The following MYH14 variants were observed in gnomAD, a reference collection of about 807,000 sequenced individuals.
The protein encoded by MYH14 is myosin-14.
Under a neutral mutation model 255.5 loss-of-function variants are expected in MYH14, and 123 were observed. The observed-to-expected ratio is 0.48, with a 90% CI of 0.42 to 0.56. The LOEUF (loss-of-function observed/expected upper bound fraction) is 0.56, where lower values mean the gene tolerates loss of function less well. MYH14 is among the 20% of genes least tolerant of loss of function. The pLI, the probability that MYH14 is intolerant of heterozygous loss-of-function variation, is 0.00. For missense variants in MYH14, 2,423 were observed against 2,802.3 expected (o/e 0.86, Z 3.06); for synonymous variants, 1,095 against 1,161.2 (o/e 0.94, Z 1.16).
intron 39 of MYH14, 48 bp from the exon 40 acceptor site, chr19:50,301,613 T>A (rs1404299240): frequency 6.7e-7 from 1 of 1,497,098 alleles, no homozygotes; most frequent in South Asian, 1.1e-5. Context: ...CCTACCACCT[T>A]CCCTCTGAGA....
chr19:50,224,537 G>T (rs894062745), intron 6 of MYH14, among the ~76,000 whole-genome samples: 1 of 152,168 alleles, frequency 6.6e-6, no homozygotes, highest in African/African-American at 2.4e-5. Context: ...TTCACTTTGT[G>T]TATCTTTTCA....
intron 5 of MYH14, 166 bp downstream of exon 5, chr19:50,223,515 C>A: frequency 1.5e-6 from 1 of 648,862 alleles, no homozygotes; most frequent in Non-Finnish European, 2.8e-6. Flanking sequence ...GAAGCAGAGT[C>A]AGGGGGACAC....
intron 21 of MYH14, among the ~76,000 whole-genome samples, chr19:50,262,706 G>C (rs1004035565): frequency 5.9e-5 from 9 of 152,046 alleles, no homozygotes; most frequent in African/African-American, 2.2e-4. Flanking sequence ...TGTTGGGATG[G>C]GCTGATAGGA....
At chr19:50,289,195 G>C (rs574930552) in intron 34 of MYH14, among the ~76,000 whole-genome samples, 48 of 152,254 alleles carry the variant, frequency 3.2e-4, no homozygotes, top group South Asian at 6.2e-4. Flanking sequence ...ACTCTGAAGG[G>C]CTTCAGATAA....
At position 50,206,901 on chromosome 19, in the gene MYH14, G is replaced by A. The variant is rs545952422; in HGVS notation, c.-4+3230G>A. ...GTGACTGATGTGGTGGGGCAGTGAT[G>A]GGGACATTTGAGGCAGTGGATGAGA... On this transcript the variant is annotated intron_variant, in intron 1 of 42. Coordinates refer to ENST00000642316, the MANE Select transcript of MYH14 (RefSeq NM_001145809.2). 4.0e-5 allele frequency among the ~76,000 whole-genome samples: 6 copies of A among 151,846 alleles called. No individual in the cohort carries two copies. The South Asian group carries it at 8.4e-4, about 21-fold the overall frequency.
chr19:50,247,588 C>A (rs1266135095), intron 12 of MYH14, among the ~76,000 whole-genome samples: 3 of 152,002 alleles, frequency 2.0e-5, no homozygotes, highest in Non-Finnish European at 4.4e-5. Flanking sequence ...AAAACAAAAA[C>A]CCAGGATGCT....
At chr19:50,220,120 C>T (rs1442858196) in intron 3 of MYH14, among the ~76,000 whole-genome samples, 5 of 152,020 alleles carry the variant, frequency 3.3e-5, no homozygotes, top group Non-Finnish European at 5.9e-5. Flanking sequence ...ATCATGGCTT[C>T]GAAACCCATC....
Position 50,294,405 on chromosome 19 carries a change from T to C in MYH14, c.5469+718T>C, listed in dbSNP as rs1360868925. 2.6e-5 allele frequency among the ~76,000 whole-genome samples: 4 copies of C among 151,328 alleles called. No individual in the cohort carries two copies. The East Asian group carries it at 7.8e-4, about 29-fold the overall frequency. On this transcript the variant is annotated intron_variant, in intron 39 of 42. Coordinates refer to ENST00000642316, the MANE Select transcript of MYH14 (RefSeq NM_001145809.2). Reference sequence around the variant, plus strand: ...GATGGGATTTCCAAGGACAAACCAATGTCTGCATTCTTCATTAGTTTTTTT... The same window carrying C: ...GATGGGATTTCCAAGGACAAACCAACGTCTGCATTCTTCATTAGTTTTTTT...
intron 27 of MYH14, among the ~76,000 whole-genome samples, chr19:50,273,642 A>G (rs1304369245): frequency 1.4e-5 from 2 of 143,952 alleles, no homozygotes; most frequent in African/African-American, 5.3e-5. Flanking sequence ...GGTTAAGAAC[A>G]CGTCTTTGTT....
At position 50,263,370 on chromosome 19, in the gene MYH14, G is replaced by C; in HGVS notation, c.2644G>C (p.Ala882Pro). ...SALRVMQRNC[A>P]AYLKLRHWQW... Reference sequence around the variant, plus strand: ...CCTGAGGGTGATGCAGCGGAACTGCGCGGCCTACCTCAAGCTGAGACACTG... The same window carrying C: ...CCTGAGGGTGATGCAGCGGAACTGCCCGGCCTACCTCAAGCTGAGACACTG... Residue 882 changes from alanine (A) to proline (P), a missense_variant, in exon 22 of 43, where the codon GCG becomes CCG. By Grantham distance (27) the Ala-to-Pro change is conservative. This residue lies in a region of MYH14 where 1,513 missense variants were observed against 1,674.8 expected (regional missense o/e 0.90). Coordinates refer to ENST00000642316, the MANE Select transcript of MYH14 (RefSeq NM_001145809.2). The C allele has an allele frequency of 6.2e-7, 1 of 1,603,176 alleles. No homozygotes were observed. Among genetic ancestry groups the C allele is most frequent in the Non-Finnish European group, 8.5e-7 (1 of 1,175,112 alleles).
Position 50,278,202 on chromosome 19 carries a change from G to A in MYH14, c.3945G>A (p.Leu1315=), listed in dbSNP as rs769999356. 14 of 1,609,438 alleles carry A rather than the reference G, an allele frequency of 8.7e-6. No homozygotes were observed. In the Admixed American group the frequency reaches 1.0e-4, roughly 12 times the overall value. ...RQEGEQRRRR[L]ELQLQEVQGR... ...AGGGTGAGCAGCGGAGGCGCCGCCT[G>A]GAGTTACAGCTGCAGGAGGTGCAGG... The change falls in exon 30 of 43, where the codon CTG becomes CTA. Residue 1315 remains leucine, a synonymous_variant. Transcript: ENST00000642316.
At chr19:50,299,570 CAAAAAAAAAAAAAA>C (rs4002409) in intron 39 of MYH14, among the ~76,000 whole-genome samples, 1 of 57,644 alleles carries the variant, frequency 1.7e-5, no homozygotes, top group Non-Finnish European at 3.0e-5. Flanking sequence ...GACTCCATCT[CAAAAAAAAAAAAAA>C]AAAAAAAAAA....
intron 15 of MYH14, among the ~76,000 whole-genome samples, chr19:50,251,645 T>C (rs2034404543): frequency 6.6e-6 from 1 of 152,028 alleles, no homozygotes; most frequent in African/African-American, 2.4e-5. Flanking sequence ...TGGCACGATC[T>C]CGGCTCACTG....
chr19:50,273,475 G>A (rs1259461471), intron 27 of MYH14, among the ~76,000 whole-genome samples: 1 of 151,990 alleles, frequency 6.6e-6, no homozygotes, highest in Non-Finnish European at 1.5e-5. Flanking sequence ...GGTGCTTAGT[G>A]TTTCAAATGC....
At chr19:50,236,166 T>C (rs1468696917) in intron 10 of MYH14, among the ~76,000 whole-genome samples, 6 of 151,496 alleles carry the variant, frequency 4.0e-5, no homozygotes. Context: ...ACCTCGTCTT[T>C]ACAAAAAACA....
intron 16 of MYH14, among the ~76,000 whole-genome samples, chr19:50,253,756 G>GC (rs1245387539): frequency 3.3e-5 from 5 of 152,020 alleles, no homozygotes; most frequent in Admixed American, 1.3e-4. Context: ...CACTGCCCCT[G>GC]CCCCCCCATC....
At position 50,266,912 on chromosome 19, in the gene MYH14, G is replaced by C. The variant is rs1191383881; in HGVS notation, c.2730G>C (p.Glu910Asp). The change falls in exon 23 of 43, where the codon GAG becomes GAC. Residue 910 changes from glutamate to aspartate, a missense_variant. Glu to Asp is a conservative substitution (Grantham distance 45). This residue lies in a region of MYH14 where 1,513 missense variants were observed against 1,674.8 expected (regional missense o/e 0.90). Transcript: ENST00000642316. This position sits in a 1 kb window ranked among gnomAD's most constrained non-coding sequence, Gnocchi z 4.1. ...TGCTGCAGGTGACGCGGCAGGATGA[G>C]GTGCTGCAGGCACGGGCCCAGGAGC... ...KPLLQVTRQD[E>D]VLQARAQELQ... 2.6e-6 allele frequency: 4 copies of C among 1,552,334 alleles called. No homozygotes were observed. Among genetic ancestry groups the C allele is most frequent in the Non-Finnish European group, 3.5e-6 (4 of 1,147,332 alleles).
At chr19:50,234,029 A>G (rs978179568) in intron 10 of MYH14, among the ~76,000 whole-genome samples, 6 of 151,982 alleles carry the variant, frequency 3.9e-5, no homozygotes, top group African/African-American at 1.5e-4. Context: ...TAAGTTGGCC[A>G]GGCTGGTCTC....
rs761026395 is a variant in MYH14 at position 50,210,343 on chromosome 19, C to T, written c.-3-20C>T. On this transcript the variant is annotated intron_variant, in intron 1 of 42. Coordinates refer to ENST00000642316, the MANE Select transcript of MYH14 (RefSeq NM_001145809.2). ...GACGGAGCCCCATCTGACCCCCACCCTCTTTCTTTGCCCCTGCAGACCATG... is the reference window on the plus strand; with the variant it reads ...GACGGAGCCCCATCTGACCCCCACCTTCTTTCTTTGCCCCTGCAGACCATG... 12 of 1,572,160 alleles carry T rather than the reference C, an allele frequency of 7.6e-6. No individual in the cohort carries two copies. The highest frequency in any genetic ancestry group is 1.8e-5 in the Admixed American group (1 of 55,310).
Sources: allele counts gnomAD v4.1 joint callset (sites outside exome capture counted in the v4.1 genomes callset), GRCh38; gene constraint gnomAD v4.1.1; regional missense constraint gnomAD v4.1.1; non-coding constraint Gnocchi (gnomAD v3.1); transcripts MANE v1.5; gene names NCBI Gene and HGNC (gene_info 2026-07-23, HGNC 2026-07-21).